The following PHLPP1 variants were observed in gnomAD, a reference collection of about 807,000 sequenced individuals.
The protein encoded by PHLPP1 is PH domain leucine-rich repeat-containing protein phosphatase 1.
A neutral mutation model predicts 117.2 loss-of-function variants in PHLPP1; 42 were observed. The observed-to-expected ratio is 0.36, with a 90% CI of 0.28 to 0.46. The LOEUF is 0.46. PHLPP1 is among the 20% of genes least tolerant of loss of function. The probability of loss-of-function intolerance (pLI) is 1.00; values close to 1 mark genes in which losing one functional copy is unlikely to be tolerated. For missense variants in PHLPP1, 2,084 were observed against 2,241.9 expected (o/e 0.93, Z 1.42); for synonymous variants, 1,042 against 970.7 (o/e 1.07, Z -1.37).
At chr18:62,728,504 CTTTT>C (rs761250873) in intron 1 of PHLPP1, among the ~76,000 whole-genome samples, 4 of 137,942 alleles carry the variant, frequency 2.9e-5, no homozygotes, top group South Asian at 2.3e-4. Context: ...TTATCTTTAT[CTTTT>C]TTTTTTTTTT....
At chr18:62,890,922 C>T (rs1436112093) in intron 4 of PHLPP1, among the ~76,000 whole-genome samples, 1 of 151,970 alleles carries the variant, frequency 6.6e-6, no homozygotes, top group Non-Finnish European at 1.5e-5. Flanking sequence ...GGAAAAATAT[C>T]TAGAAAGTGG....
At chr18:62,889,359 C>T (rs1916356900) in intron 4 of PHLPP1, among the ~76,000 whole-genome samples, 1 of 152,090 alleles carries the variant, frequency 6.6e-6, no homozygotes, top group African/African-American at 2.4e-5. Flanking sequence ...GAGCCACATA[C>T]CATATATCTG....
At chr18:62,730,698 A>G (rs539980696) in intron 1 of PHLPP1, among the ~76,000 whole-genome samples, 2 of 151,858 alleles carry the variant, frequency 1.3e-5, no homozygotes, top group South Asian at 4.2e-4. Context: ...AGGCTGAGGC[A>G]GGAGAATCCT....
chr18:62,805,216 A>G (rs111169625), intron 1 of PHLPP1, among the ~76,000 whole-genome samples: 214 of 133,380 alleles, frequency 1.6e-3, no homozygotes, highest in Middle Eastern at 0.011. Context: ...CATATACAGT[A>G]TAATATACAC....
intron 11 of PHLPP1, 52 bp from the exon 12 acceptor site, chr18:62,945,057 T>C: frequency 4.5e-6 from 6 of 1,321,300 alleles, no homozygotes; most frequent in Non-Finnish European, 6.1e-6. Context: ...CATCCTTTGA[T>C]TCTCGTCCTA....
intron 1 of PHLPP1, among the ~76,000 whole-genome samples, chr18:62,804,612 T>C (rs191150503): frequency 6.6e-6 from 1 of 152,094 alleles, no homozygotes; most frequent in Non-Finnish European, 1.5e-5. Context: ...AGAGGCTTTT[T>C]AAATGTATTC....
chr18:62,903,158 C>A lies in PHLPP1; in HGVS notation c.2639C>A (p.Ser880Tyr). The A allele has an allele frequency of 6.2e-7, 1 of 1,607,204 alleles. No individual in the cohort carries two copies. Among genetic ancestry groups the A allele is most frequent in the African/African-American group, 1.3e-5 (1 of 74,916 alleles). ...CGYFLKALYA[S>Y]SNELVQLDVY... is the part of the protein sequence containing the mutation. ...TATTTCCTAAAAGCGCTCTATGCCT[C>A]TTCTAATGGTATGTATCATAGGCTA... Residue 880 changes from serine to tyrosine, a missense_variant, in exon 7 of 17, where the codon TCT becomes TAT. Ser to Tyr is a moderately radical substitution (Grantham distance 144). Transcript: ENST00000262719.
At chr18:62,757,952 T>G (rs565311727) in intron 1 of PHLPP1, among the ~76,000 whole-genome samples, 2 of 152,178 alleles carry the variant, frequency 1.3e-5, no homozygotes, top group Non-Finnish European at 2.9e-5. Flanking sequence ...TTGAAAGAAA[T>G]ATGTTCAATT....
chr18:62,845,073 A>G lies in PHLPP1; in HGVS notation c.1899+6164A>G, dbSNP rs12457642. ...TGTAGGGAAAAGGAAAAGGCACAGC[A>G]TGACCTCTTCCAAGGACCTCAAACC... On this transcript the variant is annotated intron_variant, in intron 3 of 16. Transcript: ENST00000262719. Among the ~76,000 whole-genome samples, 558 of 151,938 alleles carry G rather than the reference A, an allele frequency of 3.7e-3. 2 individuals carry two copies. Among genetic ancestry groups the G allele is most frequent in the Non-Finnish European group, 6.2e-3 (418 of 67,926 alleles).
chr18:62,721,129 C>T (rs1166648657), intron 1 of PHLPP1, among the ~76,000 whole-genome samples: 1 of 152,054 alleles, frequency 6.6e-6, no homozygotes, highest in Non-Finnish European at 1.5e-5. Flanking sequence ...GTGGTATTAT[C>T]CTCTAGTTCA....
intron 1 of PHLPP1, among the ~76,000 whole-genome samples, chr18:62,785,245 T>C (rs564773098): frequency 6.6e-6 from 1 of 152,330 alleles, no homozygotes; most frequent in African/African-American, 2.4e-5. Flanking sequence ...TAAAGAGCCA[T>C]TTAAGACTCT....
intron 3 of PHLPP1, among the ~76,000 whole-genome samples, chr18:62,840,070 T>C (rs1251471882): frequency 6.6e-6 from 1 of 152,116 alleles, no homozygotes; most frequent in African/African-American, 2.4e-5. Flanking sequence ...AAGTTCAGTG[T>C]GATTCAGATT....
chr18:62,797,955 T>C (rs1021081280), intron 1 of PHLPP1, among the ~76,000 whole-genome samples: 1 of 152,234 alleles, frequency 6.6e-6, no homozygotes, highest in Non-Finnish European at 1.5e-5. Context: ...TCCTGTTACA[T>C]AGTAACTCTC....
chr18:62,847,546 T>TA (rs1177109349), intron 3 of PHLPP1, among the ~76,000 whole-genome samples: 3 of 152,224 alleles, frequency 2.0e-5, no homozygotes, highest in African/African-American at 7.2e-5. Context: ...GGGAGGAACT[T>TA]ACAGCTGCAT....
chr18:62,760,624 G>A lies in PHLPP1; in HGVS notation c.1576+43365G>A, dbSNP rs189982151. On this transcript the variant is annotated intron_variant, in intron 1 of 16. Coordinates refer to ENST00000262719, the MANE Select transcript of PHLPP1 (RefSeq NM_194449.4). ...CACCCCCTGGAGTGGTTGTGGTCTT[G>A]GTGCAAGGCTCTCTCTGTTGCCCTT... is the stretch of plus-strand genomic sequence containing the variant. 3.3e-5 allele frequency among the ~76,000 whole-genome samples: 5 copies of A among 152,242 alleles called. No individual in the cohort carries two copies. In the East Asian group the frequency reaches 7.7e-4, roughly 24 times the overall value.
rs1909644714 is a variant in PHLPP1, at chr18:62,926,911, T to C, written c.2960+6797T>C. Among the ~76,000 whole-genome samples, 3 of 152,194 alleles carry C rather than the reference T, an allele frequency of 2.0e-5. No individual in the cohort carries two copies. The South Asian group carries it at 6.2e-4, about 31-fold the overall frequency. ...AATTACACTTTGACTGTATCCATGC[T>C]ATACCCTAAGGTTTTGTGTCAAGCG... On this transcript the variant is annotated intron_variant, in intron 10 of 16. Coordinates refer to ENST00000262719, the MANE Select transcript of PHLPP1 (RefSeq NM_194449.4).
intron 1 of PHLPP1, among the ~76,000 whole-genome samples, chr18:62,795,112 T>C (rs1431715064): frequency 6.6e-6 from 1 of 152,196 alleles, no homozygotes; most frequent in African/African-American, 2.4e-5. Context: ...TTTTAGGCTG[T>C]GCAGTTCTCG....
intron 1 of PHLPP1, among the ~76,000 whole-genome samples, chr18:62,804,173 A>G (rs1386121598): frequency 6.6e-6 from 1 of 152,188 alleles, no homozygotes; most frequent in Non-Finnish European, 1.5e-5. Flanking sequence ...AGAAGTGAAC[A>G]GGGAAGAGCC....
In PHLPP1 at chr18:62,715,788, G is replaced by T. The variant is rs1284582949; in HGVS notation, c.105G>T (p.Ala35=). Residue 35 remains alanine (A), a synonymous_variant, in exon 1 of 17, where the codon GCG becomes GCT. Coordinates refer to ENST00000262719, the MANE Select transcript of PHLPP1 (RefSeq NM_194449.4). Reference sequence around the variant, plus strand: ...CCGCTGCGGCAGCAGCAGCAGCAGCGGCGGCCGCGGCGGCTCTGGCGGCGG... The same window carrying T: ...CCGCTGCGGCAGCAGCAGCAGCAGCTGCGGCCGCGGCGGCTCTGGCGGCGG... The part of the protein sequence containing the change: ...AAAAAAAAAA[A]AAAAALAAAA... 2.7e-6 allele frequency: 2 copies of T among 737,370 alleles called. No individual in the cohort carries two copies. The highest frequency in any genetic ancestry group is 3.4e-6 in the Non-Finnish European group (2 of 595,510). The allele number at this position is 737,370 out of a possible 1,614,324, so 45.7% of individuals were successfully genotyped here. A position where few individuals can be genotyped will look rare whatever the true frequency, so the allele number is the denominator to read the frequency against.
Sources: allele counts gnomAD v4.1 joint callset (sites outside exome capture counted in the v4.1 genomes callset), GRCh38; gene constraint gnomAD v4.1.1; transcripts MANE v1.5; gene names NCBI Gene and HGNC (gene_info 2026-07-23, HGNC 2026-07-21).